Variants in DARS1 observed in about 807,000 individuals in gnomAD.
DARS1 encodes aspartyl-tRNA synthetase 1, also known as aspartate--tRNA ligase, cytoplasmic.
A neutral mutation model predicts 68.8 loss-of-function variants in DARS1; 51 were observed. The ratio of observed to expected loss-of-function variants is 0.74; its 90% CI spans 0.59 to 0.94. The LOEUF (loss-of-function observed/expected upper bound fraction) is 0.94, where lower values mean the gene tolerates loss of function less well. Among genes scored for constraint, DARS1 ranks in the 40% least tolerant of loss-of-function variants. The pLI is 0.00. For missense variants in DARS1, 607 were observed against 597.3 expected (o/e 1.02, Z -0.17); for synonymous variants, 203 against 190.4 (o/e 1.07, Z -0.55).
At chr2:135,949,805 A>C (rs114337780) in intron 4 of DARS1, among the ~76,000 whole-genome samples, 137 of 152,320 alleles carry the variant, frequency 9.0e-4, no homozygotes, top group African/African-American at 3.0e-3. Context: ...GGATATTCCT[A>C]AGACAGACAA....
At chr2:135,977,646 A>G (rs1682530939) in intron 3 of DARS1, among the ~76,000 whole-genome samples, 1 of 152,238 alleles carries the variant, frequency 6.6e-6, no homozygotes, top group Non-Finnish European at 1.5e-5. Context: ...AGGAAGGCAA[A>G]TCAACATTAT....
chr2:135,964,161 T>C (rs1211903341), intron 3 of DARS1, among the ~76,000 whole-genome samples: 2 of 152,156 alleles, frequency 1.3e-5, no homozygotes, highest in African/African-American at 4.8e-5. Context: ...GATAAAACCA[T>C]ATGTAACGTG....
chr2:135,952,698 A>G (rs903782745), intron 4 of DARS1, among the ~76,000 whole-genome samples: 7 of 152,142 alleles, frequency 4.6e-5, no homozygotes, highest in African/African-American at 1.7e-4. Flanking sequence ...GTTGCCACAA[A>G]TGACAAGATT....
At chr2:135,971,487 C>T (rs1383910352) in intron 3 of DARS1, among the ~76,000 whole-genome samples, 1 of 152,104 alleles carries the variant, frequency 6.6e-6, no homozygotes, top group African/African-American at 2.4e-5. Flanking sequence ...TAGTATTGTA[C>T]TGAATGAGGA....
intron 12 of DARS1, among the ~76,000 whole-genome samples, chr2:135,913,609 T>G (rs1469185979): frequency 1.3e-5 from 2 of 151,730 alleles, no homozygotes; most frequent in Non-Finnish European, 2.9e-5. Flanking sequence ...ACACAAAAAA[T>G]TAGTTGGGTG....
At chr2:135,929,081 G>A (rs998040793) in intron 7 of DARS1, among the ~76,000 whole-genome samples, 1 of 152,082 alleles carries the variant, frequency 6.6e-6, no homozygotes, top group Non-Finnish European at 1.5e-5. Context: ...TGACAAAAAC[G>A]CTAGCAGATC....
At chr2:135,923,345 C>T (rs1278166886) in intron 8 of DARS1, among the ~76,000 whole-genome samples, 5 of 152,028 alleles carry the variant, frequency 3.3e-5, no homozygotes, top group Non-Finnish European at 7.4e-5. Context: ...GCTAGAATGC[C>T]GTGGCACGAT....
intron 2 of DARS1, among the ~76,000 whole-genome samples, chr2:135,979,747 G>C (rs1682580623): frequency 1.3e-5 from 2 of 152,160 alleles, no homozygotes; most frequent in African/African-American, 4.8e-5. Flanking sequence ...TCAATGACTT[G>C]TAAGGCCAAA....
At chr2:135,980,986 T>C (rs907775924) in intron 2 of DARS1, among the ~76,000 whole-genome samples, 2 of 152,254 alleles carry the variant, frequency 1.3e-5, no homozygotes, top group East Asian at 3.9e-4. Flanking sequence ...ACCAAGGTAG[T>C]AGGATTTCAG....
chr2:135,974,257 G>A (rs1479555188), intron 3 of DARS1, among the ~76,000 whole-genome samples: 2 of 152,204 alleles, frequency 1.3e-5, no homozygotes, highest in Admixed American at 6.5e-5. Context: ...GTACAGGTCT[G>A]GCATGACTGA....
At chr2:135,914,380 T>C in intron 12 of DARS1, 89 bp downstream of exon 12, 1 of 789,328 alleles carries the variant, frequency 1.3e-6, no homozygotes, top group South Asian at 1.5e-5. Context: ...CATACCATTC[T>C]AGGAAGCTCA....
chr2:135,909,000 G>A (rs1211433402), intron 15 of DARS1, among the ~76,000 whole-genome samples: 1 of 152,140 alleles, frequency 6.6e-6, no homozygotes, highest in East Asian at 1.9e-4. Context: ...GGATGAAGCT[G>A]GAAGCCATTA....
chr2:135,947,218 C>T (rs1232946323), intron 4 of DARS1, among the ~76,000 whole-genome samples: 1 of 151,888 alleles, frequency 6.6e-6, no homozygotes, highest in Non-Finnish European at 1.5e-5. Context: ...CCAGCGTGGC[C>T]AACATGGTGA....
At chr2:135,943,286 CATTA>C (rs1681647435) in intron 5 of DARS1, 88 bp downstream of exon 5, 3 of 1,484,726 alleles carry the variant, frequency 2.0e-6, no homozygotes, top group Non-Finnish European at 2.7e-6. Context: ...CAGTATTTTA[CATTA>C]ATTAGTAAGA....
chr2:135,957,266 C>A (rs991393426), intron 4 of DARS1, among the ~76,000 whole-genome samples: 1 of 151,472 alleles, frequency 6.6e-6, no homozygotes, highest in Non-Finnish European at 1.5e-5. Context: ...CTCGCTCTGT[C>A]GCCCAGGCTG....
chr2:135,959,301 G>A (rs1682045854), intron 4 of DARS1, among the ~76,000 whole-genome samples: 1 of 148,306 alleles, frequency 6.7e-6, no homozygotes, highest in Admixed American at 6.8e-5. Context: ...GGCTGAGGCA[G>A]GAGAATTGCT....
intron 3 of DARS1, among the ~76,000 whole-genome samples, chr2:135,964,352 T>A (rs958873311): frequency 4.6e-5 from 7 of 152,118 alleles, no homozygotes; most frequent in African/African-American, 1.7e-4. Context: ...AGAATAAAAA[T>A]TTTTTAAGAG....
chr2:135,914,488 C>T lies in DARS1; in HGVS notation c.1130G>A (p.Gly377Asp). ...TCCTACCTTTTCCTTTACCAAATGA[C>T]CCAACAGCTTTTCATTTGGTGTGCT... ...DLSTPNEKLL[G>D]HLVKEKYDTD... Residue 377 changes from glycine to aspartate, a missense_variant, in exon 12 of 16, where the codon GGT (glycine) becomes GAT (aspartate). Physicochemically the swap from Gly to Asp is moderately conservative, Grantham distance 94. Transcript: ENST00000264161. 1 of 1,457,840 alleles carries T rather than the reference C, an allele frequency of 6.9e-7. No homozygotes were observed. The highest frequency in any genetic ancestry group is 1.1e-5 in the South Asian group (1 of 87,938). 90.3% of individuals were successfully genotyped at this position (1,457,840 alleles called of 1,614,324 possible).
Position 135,924,417 on chromosome 2 carries a change from C to T in DARS1, c.646G>A (p.Val216Met). ...ATAATTTTAGGAGTTTGGATTTCCA[C>T]AAAACCTTTGTTAATTAAAGTTTCT... ...FRETLINKGF[V>M]EIQTPKIISA... Residue 216 changes from valine to methionine, a missense_variant, in exon 8 of 16, where the codon GTG becomes ATG. Transcript: ENST00000264161. 6.2e-7 allele frequency: 1 copy of T among 1,603,170 alleles called. No individual in the cohort carries two copies. Among genetic ancestry groups the T allele is most frequent in the Non-Finnish European group, 8.5e-7 (1 of 1,177,180 alleles).
Sources: gnomAD v4.1 joint callset for allele counts (sites outside exome capture counted in the v4.1 genomes callset) on GRCh38, gnomAD v4.1.1 for gene constraint, MANE v1.5 for transcripts, NCBI Gene and HGNC (gene_info 2026-07-23, HGNC 2026-07-21) for gene names.